TRAPPC12: variants seen among roughly 807,000 people sequenced by gnomAD.
TRAPPC12 encodes trafficking protein particle complex subunit 12.
TRAPPC12 carries 61 observed loss-of-function variants against 69.2 expected under a neutral mutation model. The ratio of observed to expected loss-of-function variants is 0.88; its 90% confidence interval spans 0.72 to 1.09. The LOEUF (loss-of-function observed/expected upper bound fraction) is 1.09, where lower values mean the gene tolerates loss of function less well. Among genes scored for constraint, TRAPPC12 ranks in the 50% least tolerant of loss-of-function variants. The probability of loss-of-function intolerance (pLI) is 0.00; values close to 1 mark genes in which losing one functional copy is unlikely to be tolerated. For missense variants in TRAPPC12, 1,101 were observed against 1,016.4 expected (o/e 1.08, Z -1.13); for synonymous variants, 469 against 438.9 (o/e 1.07, Z -0.86).
At chr2:3,384,785 A>G (rs1291335012) in intron 1 of TRAPPC12, among the ~76,000 whole-genome samples, 2 of 152,224 alleles carry the variant, frequency 1.3e-5, no homozygotes, top group Admixed American at 6.5e-5. Context: ...GAATTGGGTC[A>G]TGTGTCTTTT....
chr2:3,392,292 C>CGT, intron 2 of TRAPPC12, among the ~76,000 whole-genome samples: 1 of 93,240 alleles, frequency 1.1e-5, no homozygotes, highest in Non-Finnish European at 2.2e-5. Flanking sequence ...TCCCAGGCAT[C>CGT]CTCTCTCCTG....
intron 6 of TRAPPC12, among the ~76,000 whole-genome samples, chr2:3,444,280 G>A (rs930178676): frequency 2.8e-4 from 43 of 152,238 alleles, no homozygotes; most frequent in African/African-American, 9.2e-4. Flanking sequence ...AGTACTGAAA[G>A]CAATCATGGT....
chr2:3,424,502 T>C, intron 4 of TRAPPC12, 23 bp from the exon 5 acceptor site: 1 of 1,611,046 alleles, frequency 6.2e-7, no homozygotes, highest in South Asian at 1.1e-5. Flanking sequence ...TAACCTATTG[T>C]TTCCATTGTA....
intron 5 of TRAPPC12, among the ~76,000 whole-genome samples, chr2:3,436,321 A>C (rs980606111): frequency 6.6e-6 from 1 of 152,150 alleles, no homozygotes; most frequent in South Asian, 2.1e-4. Context: ...ATCTTTTTTC[A>C]TGTGGCAATC....
chr2:3,384,026 G>A (rs2103419226), intron 1 of TRAPPC12, among the ~76,000 whole-genome samples: 1 of 151,428 alleles, frequency 6.6e-6, no homozygotes, highest in East Asian at 2.0e-4. Flanking sequence ...ATCCCAAGTA[G>A]CTGGGATTAC....
intron 3 of TRAPPC12, among the ~76,000 whole-genome samples, chr2:3,412,072 T>G (rs907563897): frequency 1.3e-5 from 2 of 152,232 alleles, no homozygotes; most frequent in African/African-American, 4.8e-5. Flanking sequence ...AGTTTATTCT[T>G]GTACTGTCTT....
chr2:3,412,144 A>G (rs1311589326), intron 3 of TRAPPC12, among the ~76,000 whole-genome samples: 1 of 152,320 alleles, frequency 6.6e-6, no homozygotes, highest in East Asian at 1.9e-4. Flanking sequence ...GTGCCACACT[A>G]AAGAAATGCT....
chr2:3,449,784 C>G (rs1212486265), intron 6 of TRAPPC12, among the ~76,000 whole-genome samples: 1 of 152,160 alleles, frequency 6.6e-6, no homozygotes, highest in East Asian at 1.9e-4. Flanking sequence ...CCGTGCCTGA[C>G]CCAGAGGGTT....
At chr2:3,479,066 C>T in intron 11 of TRAPPC12, 133 bp downstream of exon 11, 1 of 1,489,170 alleles carries the variant, frequency 6.7e-7, no homozygotes, top group Non-Finnish European at 9.1e-7. Context: ...TGGCTGTGGC[C>T]CTTAGGGGAA....
intron 9 of TRAPPC12, among the ~76,000 whole-genome samples, chr2:3,466,784 G>C (rs1195702606): frequency 6.6e-6 from 1 of 152,188 alleles, no homozygotes; most frequent in East Asian, 1.9e-4. Flanking sequence ...GATGCGTGAC[G>C]CGTGAGCTGC....
chr2:3,383,894 T>A (rs1378674936), intron 1 of TRAPPC12, among the ~76,000 whole-genome samples: 57 of 31,078 alleles, frequency 1.8e-3, no homozygotes, highest in Non-Finnish European at 2.9e-3. Flanking sequence ...TTTTTTTTTT[T>A]TTTTTTTTTT....
At chr2:3,468,221 C>A (rs565946326) in intron 9 of TRAPPC12, among the ~76,000 whole-genome samples, 1 of 152,128 alleles carries the variant, frequency 6.6e-6, no homozygotes, top group African/African-American at 2.4e-5. Flanking sequence ...CCTGCCCATT[C>A]TTGAGGGCTC....
In TRAPPC12 at chr2:3,387,969, G is replaced by C. The variant is rs1172175319; in HGVS notation, c.346G>C (p.Gly116Arg). The change falls in exon 2 of 12, where the codon GGC becomes CGC. Residue 116 changes from glycine to arginine, a missense_variant. By Grantham distance (125) the Gly-to-Arg change is moderately radical (BLOSUM62 -2). Transcript: ENST00000324266. The stretch of plus-strand genomic sequence containing the variant: ...CCCGAGTCCCAGCGGCGAGGCCGAC[G>C]GCGACTGTGCCCCCGAGGACGCGGC... ...GTPSPSGEAD[G>R]DCAPEDAAPS... 2 of 1,477,582 alleles carry C rather than the reference G, an allele frequency of 1.4e-6. No individual in the cohort carries two copies. Among genetic ancestry groups the C allele is most frequent in the African/African-American group, 2.9e-5 (2 of 68,184 alleles). 91.5% of individuals were successfully genotyped at this position (1,477,582 alleles called of 1,614,324 possible).
At chr2:3,438,799 T>A (rs896413893) in intron 5 of TRAPPC12, among the ~76,000 whole-genome samples, 1 of 152,156 alleles carries the variant, frequency 6.6e-6, no homozygotes, top group Non-Finnish European at 1.5e-5. Context: ...TTCCATTTTA[T>A]GTATATACCA....
intron 6 of TRAPPC12, among the ~76,000 whole-genome samples, chr2:3,452,533 T>C (rs1428819551): frequency 6.6e-6 from 1 of 152,096 alleles, no homozygotes; most frequent in Non-Finnish European, 1.5e-5. Flanking sequence ...CAGGACAGGC[T>C]CCCCTGCCTC....
chr2:3,463,007 G>A (rs1370548887), intron 8 of TRAPPC12: 1 of 464,616 alleles, frequency 2.2e-6, no homozygotes, highest in South Asian at 1.6e-5. Flanking sequence ...TTCACGGCCT[G>A]TAAACACGTG....
chr2:3,449,564 G>A (rs1479795156), intron 6 of TRAPPC12: 1 of 152,286 alleles, frequency 6.6e-6, no homozygotes, highest in Non-Finnish European at 1.5e-5. Flanking sequence ...AATTGCTAAT[G>A]TGGTAGTGAG....
Position 3,465,680 on chromosome 2 carries a change from C to T in TRAPPC12, c.1761C>T (p.Gly587=). 6.2e-7 allele frequency: 1 copy of T among 1,613,906 alleles called. No homozygotes were observed. The highest frequency in any genetic ancestry group is 2.2e-5 in the East Asian group (1 of 44,894). Residue 587 remains glycine (G), a synonymous_variant, in exon 9 of 12, where the codon GGC becomes GGT. Transcript: ENST00000324266. The part of the protein sequence containing the change: ...EQEPQLLSGI[G]RISLQIGDIK... ...AGCCCCAGCTGCTCAGCGGCATCGG[C>T]CGGATTTCCCTGCAGGTACCTGTGC... is the stretch of plus-strand genomic sequence containing the variant.
intron 5 of TRAPPC12, among the ~76,000 whole-genome samples, chr2:3,427,379 A>G (rs1470560876): frequency 2.0e-5 from 3 of 151,916 alleles, no homozygotes; most frequent in African/African-American, 7.3e-5. Flanking sequence ...CTAACAGAAA[A>G]CTCAGGTCAT....
Sources: gnomAD v4.1 joint callset for allele counts (sites outside exome capture counted in the v4.1 genomes callset) on GRCh38, gnomAD v4.1.1 for gene constraint, MANE v1.5 for transcripts, NCBI Gene and HGNC (gene_info 2026-07-23, HGNC 2026-07-21) for gene names.